The following LAMA3 variants were observed in gnomAD, a reference collection of about 807,000 sequenced individuals.
The protein encoded by LAMA3 is laminin subunit alpha-3.
A neutral mutation model predicts 402.0 loss-of-function variants in LAMA3; 281 were observed. The observed-to-expected ratio is 0.70, with a 90% CI of 0.63 to 0.77. The LOEUF is 0.77. Among genes scored for constraint, LAMA3 ranks in the 30% least tolerant of loss-of-function variants. LAMA3 has a pLI of 0.00. For missense variants in LAMA3, 3,840 were observed against 4,215.5 expected (o/e 0.91, Z 2.47); for synonymous variants, 1,431 against 1,558.4 (o/e 0.92, Z 1.93).
chr18:23,827,037 C>G (rs1351963131), intron 22 of LAMA3, among the ~76,000 whole-genome samples: 1 of 152,218 alleles, frequency 6.6e-6, no homozygotes, highest in East Asian at 1.9e-4. Context: ...AATGTTGATG[C>G]ATGCCCAAGT....
At chr18:23,779,791 TG>T (rs546598735) in intron 11 of LAMA3, among the ~76,000 whole-genome samples, 248 of 152,240 alleles carry the variant, frequency 1.6e-3, no homozygotes, top group African/African-American at 5.6e-3. Flanking sequence ...ATGGGATTGC[TG>T]GGTGGCACCA....
intron 60 of LAMA3, 83 bp downstream of exon 60, chr18:23,916,778 AC>A: frequency 7.5e-7 from 1 of 1,333,258 alleles, no homozygotes; most frequent in Non-Finnish European, 1.1e-6. Context: ...GTTATAAATG[AC>A]CCACTAGATC....
At chr18:23,860,261 C>CTTTTTTTTTTTT (rs59852195) in intron 34 of LAMA3, among the ~76,000 whole-genome samples, 30 of 112,654 alleles carry the variant, frequency 2.7e-4, no homozygotes, top group Middle Eastern at 5.2e-3. Context: ...CTTTTCTTTT[C>CTTTTTTTTTTTT]TTTTTTTTTT....
intron 32 of LAMA3, 21 bp downstream of exon 32, chr18:23,847,689 G>A: frequency 6.2e-7 from 1 of 1,607,032 alleles, no homozygotes. Context: ...GGAGTAGCCT[G>A]TCTGCTTCTG....
intron 12 of LAMA3, among the ~76,000 whole-genome samples, chr18:23,791,040 C>T (rs554815507): frequency 4.3e-4 from 66 of 152,294 alleles, no homozygotes; most frequent in Non-Finnish European, 8.8e-4. Flanking sequence ...AGGCGCCCGC[C>T]ACTGCGCCCG....
At chr18:23,799,890 T>C (rs531814187) in intron 12 of LAMA3, among the ~76,000 whole-genome samples, 1 of 152,342 alleles carries the variant, frequency 6.6e-6, no homozygotes, top group East Asian at 1.9e-4. Context: ...GGAGGCAGAA[T>C]TCCTCCCTCT....
At chr18:23,701,587 C>T (rs1172512763) in intron 1 of LAMA3, among the ~76,000 whole-genome samples, 1 of 152,146 alleles carries the variant, frequency 6.6e-6, no homozygotes, top group Admixed American at 6.5e-5. Context: ...TACTGAGTGC[C>T]TACCCTGTGC....
chr18:23,775,551 A>G (rs540865872), intron 9 of LAMA3, among the ~76,000 whole-genome samples: 129 of 140,956 alleles, frequency 9.2e-4, no homozygotes, highest in African/African-American at 3.3e-3. Context: ...GCTCAGTGGG[A>G]TAAATGACAT....
chr18:23,840,747 T>C (rs2063684014), intron 27 of LAMA3, among the ~76,000 whole-genome samples: 1 of 152,180 alleles, frequency 6.6e-6, no homozygotes, highest in Non-Finnish European at 1.5e-5. Flanking sequence ...ATCACAGGAC[T>C]TTTAAAGTTC....
rs58339338 is a variant in LAMA3, at chr18:23,919,268, A to T, written c.7924-1667A>T. ...TCTTAGAAAAGAACTCGGTCCCTGG[A>T]CCTCAAAGAGAGGCATTCTTATCAT... On this transcript the variant is annotated intron_variant, in intron 60 of 74. Coordinates refer to ENST00000313654, the MANE Select transcript of LAMA3 (RefSeq NM_198129.4). Among the ~76,000 whole-genome samples the T allele has an allele frequency of 7.6e-3, 1,150 of 152,238 alleles. 13 individuals are homozygous for T. Among genetic ancestry groups the T allele is most frequent in the African/African-American group, 0.027 (1,104 of 41,538 alleles).
intron 2 of LAMA3, among the ~76,000 whole-genome samples, chr18:23,721,079 G>T (rs2061204055): frequency 6.6e-6 from 1 of 152,034 alleles, no homozygotes; most frequent in South Asian, 2.1e-4. Flanking sequence ...GACTGCTTGA[G>T]CCCAGGAGTT....
At chr18:23,817,521 G>A (rs1160361455) in intron 18 of LAMA3, among the ~76,000 whole-genome samples, 1 of 152,122 alleles carries the variant, frequency 6.6e-6, no homozygotes, top group Non-Finnish European at 1.5e-5. Context: ...AGACCAGCCT[G>A]AGCAACATAG....
At chr18:23,931,331 C>T in intron 65 of LAMA3, 130 bp downstream of exon 65, 1 of 772,396 alleles carries the variant, frequency 1.3e-6, no homozygotes. Flanking sequence ...TAAGTCTTGT[C>T]CTTCTTCCTT....
At position 23,846,501 on chromosome 18, in the gene LAMA3, C is replaced by T. The variant is rs1234757948; in HGVS notation, c.3924C>T (p.Arg1308=). 2 of 1,607,884 alleles carry T rather than the reference C, an allele frequency of 1.2e-6. No individual in the cohort carries two copies. Among genetic ancestry groups the T allele is most frequent in the East Asian group, 4.5e-5 (2 of 44,890 alleles). ...RCATGHYGFP[R]CKPCSCGRRL... ...CAACAGGCCACTACGGATTCCCACGCTGCAAGCGTAAGTGCACGTTTCCCA... is the reference window on the plus strand; with the variant it reads ...CAACAGGCCACTACGGATTCCCACGTTGCAAGCGTAAGTGCACGTTTCCCA... The change falls in exon 31 of 75, where the codon CGC becomes CGT. Residue 1308 remains arginine, a synonymous_variant. Coordinates refer to ENST00000313654, the MANE Select transcript of LAMA3 (RefSeq NM_198129.4).
In LAMA3 at chr18:23,712,138, T is replaced by C. The variant is rs563226780; in HGVS notation, c.295-1782T>C. On this transcript the variant is annotated intron_variant, in intron 1 of 74. Transcript: ENST00000313654. ...GCTAATGCCTGTAATCCCAGCACTT[T>C]GGGAGGCCGAGGCAGGCGGATCACC... is the stretch of plus-strand genomic sequence containing the variant. 9.9e-5 allele frequency among the ~76,000 whole-genome samples: 15 copies of C among 152,248 alleles called. No homozygotes were observed. The East Asian group carries it at 2.9e-3, about 29-fold the overall frequency.
At chr18:23,701,749 A>G (rs533571978) in intron 1 of LAMA3, among the ~76,000 whole-genome samples, 6 of 152,150 alleles carry the variant, frequency 3.9e-5, no homozygotes, top group Non-Finnish European at 7.4e-5. Flanking sequence ...ATAGACACGG[A>G]GATAGAGGGC....
rs780195838 is a variant in LAMA3, at chr18:23,857,951, G to A, written c.4244G>A (p.Gly1415Glu). The A allele has an allele frequency of 1.2e-6, 2 of 1,614,070 alleles. No individual in the cohort carries two copies. The highest frequency in any genetic ancestry group is 1.7e-6 in the Non-Finnish European group (2 of 1,180,030). The stretch of plus-strand genomic sequence containing the variant: ...TGCAACAGAGATGGGACTGAGCCAG[G>A]AGTGTGTGACCCAGGGACCGGGGCT... ...CNCNRDGTEP[G>E]VCDPGTGACL... The change falls in exon 33 of 75, where the codon GGA becomes GAA. Residue 1415 changes from glycine to glutamate, a missense_variant. Gly to Glu is a moderately conservative substitution (Grantham distance 98). This residue lies in a region of LAMA3 where 2,109 missense variants were observed against 2,376.0 expected (regional missense o/e 0.89). Transcript: ENST00000313654.
intron 32 of LAMA3, among the ~76,000 whole-genome samples, chr18:23,856,031 T>C (rs2064070159): frequency 6.6e-6 from 1 of 152,222 alleles, no homozygotes; most frequent in Admixed American, 6.5e-5. Context: ...TGTAAGGTTT[T>C]TACATGTAAT....
chr18:23,819,804 T>C, intron 18 of LAMA3, 37 bp from the exon 19 acceptor site: 1 of 1,593,516 alleles, frequency 6.3e-7, no homozygotes, highest in East Asian at 2.2e-5. Context: ...TCTATGGACC[T>C]AACCTCCTGT....
Sources: allele counts gnomAD v4.1 joint callset (sites outside exome capture counted in the v4.1 genomes callset), GRCh38; gene constraint gnomAD v4.1.1; regional missense constraint gnomAD v4.1.1; transcripts MANE v1.5; gene names NCBI Gene and HGNC (gene_info 2026-07-23, HGNC 2026-07-21).